Variants in LIPG observed in about 807,000 individuals in gnomAD.
LIPG encodes lipase G, endothelial type.
Under a neutral mutation model 51.8 loss-of-function variants are expected in LIPG, and 34 were observed. The observed-to-expected ratio is 0.66, with a 90% CI of 0.50 to 0.87. LIPG has a LOEUF of 0.87. LIPG is among the 40% of genes least tolerant of loss of function. The probability of loss-of-function intolerance (pLI) is 0.00; values close to 1 mark genes in which losing one functional copy is unlikely to be tolerated. For missense variants in LIPG, 580 were observed against 652.7 expected, an observed-to-expected ratio of 0.89 and a Z score of 1.21; for synonymous variants, 246 against 246.1, an observed-to-expected ratio of 1.00 and a Z score of 0.00.
intron 8 of LIPG, among the ~76,000 whole-genome samples, chr18:49,584,902 G>A (rs2084865904): frequency 6.6e-6 from 1 of 152,156 alleles, no homozygotes; most frequent in South Asian, 2.1e-4. Flanking sequence ...TTCCATTTGG[G>A]TTTAGATATC....
chr18:49,567,866 T>C (rs112364870), intron 3 of LIPG: 6,875 of 486,408 alleles, frequency 0.014, 69 homozygotes, highest in Non-Finnish European at 0.019. Flanking sequence ...AAATTGGCCT[T>C]ATGGGTTGTT....
chr18:49,581,232 A>T (rs2084815065), intron 5 of LIPG, among the ~76,000 whole-genome samples, 183 bp from the exon 6 acceptor site: 1 of 152,186 alleles, frequency 6.6e-6, no homozygotes, highest in South Asian at 2.1e-4. Context: ...GTCCCACTGC[A>T]CTCTAACCTG....
chr18:49,565,638 C>A, intron 2 of LIPG, 140 bp downstream of exon 2: 1 of 973,816 alleles, frequency 1.0e-6, no homozygotes, highest in Non-Finnish European at 1.6e-6. Context: ...TTTCAGACAG[C>A]TGTGAAGAAT....
intron 8 of LIPG, among the ~76,000 whole-genome samples, chr18:49,586,308 T>A (rs2143975881): frequency 6.6e-6 from 1 of 152,322 alleles, no homozygotes; most frequent in South Asian, 2.1e-4. Flanking sequence ...ACATAGGGCA[T>A]AATGTTTTAA....
rs909645080 is a variant in LIPG at position 49,569,152 on chromosome 18, C to T, written c.460-285C>T. On this transcript the variant is annotated intron_variant, in intron 3 of 9. Transcript: ENST00000261292. ...CTCTCTTAGATACTGCCAGAAAGAA[C>T]AGGAAATGTGTAGGGAACAGCCACA... 4.6e-5 allele frequency among the ~76,000 whole-genome samples: 7 copies of T among 152,130 alleles called. No homozygotes were observed. The South Asian group carries it at 1.5e-3, about 32-fold the overall frequency.
intron 5 of LIPG, among the ~76,000 whole-genome samples, chr18:49,580,107 C>T (rs779825828): frequency 4.7e-4 from 71 of 152,234 alleles, no homozygotes; most frequent in Non-Finnish European, 7.3e-4. Flanking sequence ...AGCCACTGCC[C>T]GGCTGGATGA....
At chr18:49,562,971 C>T (rs1053168670) in intron 1 of LIPG, among the ~76,000 whole-genome samples, 1 of 152,188 alleles carries the variant, frequency 6.6e-6, no homozygotes, top group African/African-American at 2.4e-5. Context: ...TTGTGCTCCC[C>T]CGACTCTTCC....
Position 49,593,397 on chromosome 18 carries a change from G to A in LIPG, c.*2875G>A, listed in dbSNP as rs953356599. On this transcript the variant is annotated 3_prime_UTR_variant, in exon 10 of 10. Coordinates refer to ENST00000261292, the MANE Select transcript of LIPG (RefSeq NM_006033.4). ...ACAAGAACATCATTTCACTGAAGAC[G>A]AGAAGAAAAATTATTTCAATTGTAG... 1.3e-5 allele frequency: 2 copies of A among 152,168 alleles called. No homozygotes were observed. The highest frequency in any genetic ancestry group is 4.8e-5 in the African/African-American group (2 of 41,436). 9.4% of individuals were successfully genotyped at this position (152,168 alleles called of 1,614,324 possible). A position where few individuals can be genotyped will look rare whatever the true frequency, so the allele number is the denominator to read the frequency against.
chr18:49,595,435 A>G lies in LIPG; in HGVS notation c.*4913A>G, dbSNP rs890927924. 6.6e-6 allele frequency: 1 copy of G among 152,230 alleles called. No homozygotes were observed. The highest frequency in any genetic ancestry group is 6.5e-5 in the Admixed American group (1 of 15,282). The allele number at this position is 152,230 out of a possible 1,614,324, so 9.4% of individuals were successfully genotyped here. A position where few individuals can be genotyped will look rare whatever the true frequency, so the allele number is the denominator to read the frequency against. On this transcript the variant is annotated 3_prime_UTR_variant, in exon 10 of 10. Transcript: ENST00000261292. ...TCTGCTCATTTAAGAAACAGAGACA[A>G]TACTGCTCAGGGTTGTTGTGAATGT...
At chr18:49,563,578 T>C (rs983394203) in intron 1 of LIPG, among the ~76,000 whole-genome samples, 2 of 151,536 alleles carry the variant, frequency 1.3e-5, no homozygotes. Flanking sequence ...AAAGTATCAG[T>C]GGTGCTCAGT....
intron 5 of LIPG, among the ~76,000 whole-genome samples, chr18:49,576,383 ACTTT>A (rs1222801945): frequency 7.2e-6 from 1 of 138,018 alleles, no homozygotes; most frequent in African/African-American, 2.7e-5. Context: ...ATTTTTTTCA[ACTTT>A]CTTTTTTTTC....
chr18:49,587,106 TAAAA>T (rs11354327), intron 9 of LIPG, among the ~76,000 whole-genome samples: 6 of 128,496 alleles, frequency 4.7e-5, no homozygotes, highest in Admixed American at 7.9e-5. Flanking sequence ...CCATCTCTAC[TAAAA>T]AAAAAAAAAA....
intron 4 of LIPG, 132 bp downstream of exon 4, chr18:49,569,680 C>G: frequency 1.3e-6 from 1 of 796,352 alleles, no homozygotes; most frequent in Non-Finnish European, 2.1e-6. Flanking sequence ...TTCAAAACTT[C>G]CCAAGCGTTT....
upstream of LIPG, chr18:49,561,688 G>A: frequency 1.6e-6 from 2 of 1,243,552 alleles, no homozygotes; most frequent in Non-Finnish European, 2.0e-6. Context: ...TGGAGAGGAT[G>A]CTCTCCTTCT....
At chr18:49,577,680 C>A (rs2084737092) in intron 5 of LIPG, among the ~76,000 whole-genome samples, 1 of 98,656 alleles carries the variant, frequency 1.0e-5, no homozygotes, top group African/African-American at 4.2e-5. Flanking sequence ...GACGGCACGG[C>A]TGGCCAGGCG....
At chr18:49,564,269 T>G (rs940718805) in intron 1 of LIPG, among the ~76,000 whole-genome samples, 1 of 152,244 alleles carries the variant, frequency 6.6e-6, no homozygotes, top group Non-Finnish European at 1.5e-5. Context: ...TAGGAGAGTT[T>G]GATACTCTCA....
chr18:49,570,604 G>A (rs1276403184), intron 4 of LIPG, among the ~76,000 whole-genome samples: 1 of 152,172 alleles, frequency 6.6e-6, no homozygotes, highest in Non-Finnish European at 1.5e-5. Context: ...GCCGAGGTGG[G>A]TGGATCACGA....
At chr18:49,569,361 A>C in intron 3 of LIPG, 76 bp from the exon 4 acceptor site, 1 of 1,217,452 alleles carries the variant, frequency 8.2e-7, no homozygotes, top group South Asian at 1.2e-5. Flanking sequence ...TCCGTGACTG[A>C]GTTGTTGAAC....
At chr18:49,565,596 CT>C in intron 2 of LIPG, 98 bp downstream of exon 2, 1 of 1,350,664 alleles carries the variant, frequency 7.4e-7, no homozygotes, top group Non-Finnish European at 1.0e-6. Context: ...ATTCCAAACC[CT>C]CTTCCCCCCT....
Sources: gnomAD v4.1 joint callset for allele counts (sites outside exome capture counted in the v4.1 genomes callset) on GRCh38, gnomAD v4.1.1 for gene constraint, MANE v1.5 for transcripts, NCBI Gene and HGNC (gene_info 2026-07-23, HGNC 2026-07-21) for gene names.